Variants in ATXN10 observed in about 807,000 individuals in gnomAD.
ATXN10 encodes the protein ataxin-10.
In ATXN10, 28 loss-of-function variants were observed where a neutral mutation model predicts 52.9. The observed-to-expected ratio is 0.53, with a 90% CI of 0.39 to 0.73. The LOEUF is 0.73. ATXN10 is among the 30% of genes least tolerant of loss of function. The pLI is 0.00. For missense variants in ATXN10, 565 were observed against 577.0 expected (o/e 0.98, Z 0.21); for synonymous variants, 226 against 221.5 (o/e 1.02, Z -0.18).
At chr22:45,797,532 T>C (rs952929216) in intron 9 of ATXN10, among the ~76,000 whole-genome samples, 9 of 152,208 alleles carry the variant, frequency 5.9e-5, no homozygotes, top group African/African-American at 2.2e-4. Context: ...ATGGCATACC[T>C]AAATTGTAAG....
Position 45,772,641 on chromosome 22 carries a change from T to TG in ATXN10, c.1173+32109dup, listed in dbSNP as rs897324941. ...ATTGCGTTAAATATACAGCTCTCTT[T>TG]GGGGGGAATCAATGTCTTACTGTGT... On this transcript the variant is annotated intron_variant, in intron 9 of 11. Coordinates refer to ENST00000252934, the MANE Select transcript of ATXN10 (RefSeq NM_013236.4). This position sits in a 1 kb window ranked among gnomAD's most constrained non-coding sequence, Gnocchi z 4.1. Among the ~76,000 whole-genome samples, 7 of 152,190 alleles carry TG rather than the reference T, an allele frequency of 4.6e-5. No homozygotes were observed. The highest frequency in any genetic ancestry group is 1.0e-4 in the Non-Finnish European group (7 of 68,020).
chr22:45,710,392 C>A (rs1361894330), intron 5 of ATXN10, among the ~76,000 whole-genome samples: 1 of 152,192 alleles, frequency 6.6e-6, no homozygotes, highest in Non-Finnish European at 1.5e-5. Flanking sequence ...TCTATCATTT[C>A]GACTGAGAGA....
At chr22:45,809,587 C>A (rs1277316038) in intron 10 of ATXN10, among the ~76,000 whole-genome samples, 1 of 152,150 alleles carries the variant, frequency 6.6e-6, no homozygotes, top group Non-Finnish European at 1.5e-5. Flanking sequence ...CCACCTCCTC[C>A]CCTCCCTCCC....
chr22:45,698,960 G>T (rs1045366026), intron 3 of ATXN10, among the ~76,000 whole-genome samples: 5 of 152,178 alleles, frequency 3.3e-5, no homozygotes, highest in African/African-American at 7.2e-5. Flanking sequence ...AGCAGGGTAT[G>T]TGTGCCAGTT....
chr22:45,739,985 T>C (rs1009057275), intron 8 of ATXN10, among the ~76,000 whole-genome samples: 15 of 152,186 alleles, frequency 9.9e-5, no homozygotes, highest in Non-Finnish European at 1.6e-4. Context: ...TGGATAGATA[T>C]TGTGTTTTAG....
intron 5 of ATXN10, 143 bp downstream of exon 5, chr22:45,702,990 A>C: frequency 9.5e-7 from 1 of 1,047,598 alleles, no homozygotes; most frequent in African/African-American, 1.6e-5. Flanking sequence ...ATTAGAGAAG[A>C]TTTTGAGCAG....
intron 1 of ATXN10, among the ~76,000 whole-genome samples, chr22:45,687,037 G>T (rs1006139412): frequency 6.6e-6 from 1 of 152,130 alleles, no homozygotes; most frequent in Non-Finnish European, 1.5e-5. Context: ...GCGAATTATT[G>T]TGTGCCAAAT....
rs970702380 is a variant in ATXN10 at position 45,780,533 on chromosome 22, C to T, written c.1174-26426C>T. On this transcript the variant is annotated intron_variant, in intron 9 of 11. Transcript: ENST00000252934. The surrounding 1 kb of genome is among the most constrained non-coding windows in gnomAD (Gnocchi z 4.0). Reference sequence around the variant, plus strand: ...GCTGTGGAGTGGATGTGAACCTGTGCCAGCCTGTTTCCCCCTCTGTAGAAT... The same window carrying T: ...GCTGTGGAGTGGATGTGAACCTGTGTCAGCCTGTTTCCCCCTCTGTAGAAT... Among the ~76,000 whole-genome samples, 3 of 151,484 alleles carry T rather than the reference C, an allele frequency of 2.0e-5. No individual in the cohort carries two copies. Among genetic ancestry groups the T allele is most frequent in the African/African-American group, 7.3e-5 (3 of 41,368 alleles).
chr22:45,810,406 T>C (rs1468375922), intron 10 of ATXN10, among the ~76,000 whole-genome samples: 1 of 152,216 alleles, frequency 6.6e-6, no homozygotes, highest in Non-Finnish European at 1.5e-5. Context: ...TTTGTATTGT[T>C]GCATAAAAGT....
chr22:45,809,892 G>C (rs1278630664), intron 10 of ATXN10, among the ~76,000 whole-genome samples: 1 of 151,818 alleles, frequency 6.6e-6, no homozygotes. Context: ...TTTCTTTATA[G>C]TTTCTTTTGA....
Position 45,678,838 on chromosome 22 carries a change from T to G in ATXN10, c.116+6659T>G, listed in dbSNP as rs1922802229. 1 of 152,230 alleles carries G rather than the reference T, an allele frequency of 6.6e-6. No homozygotes were observed. Among genetic ancestry groups the G allele is most frequent in the African/African-American group, 2.4e-5 (1 of 41,454 alleles). 9.4% of individuals were successfully genotyped at this position (152,230 alleles called of 1,614,324 possible). Reference sequence around the variant, plus strand: ...GCAGCTGTGATTGATAGGATAAAATTAACTATGTGTAGCTTACTTTGAACT... The same window carrying G: ...GCAGCTGTGATTGATAGGATAAAATGAACTATGTGTAGCTTACTTTGAACT... On this transcript the variant is annotated intron_variant, in intron 1 of 11. Transcript: ENST00000252934. The surrounding 1 kb of genome is among the most constrained non-coding windows in gnomAD (Gnocchi z 4.1).
intron 3 of ATXN10, among the ~76,000 whole-genome samples, chr22:45,694,940 C>CAA (rs748780048): frequency 0.034 from 733 of 21,792 alleles, 75 homozygotes; most frequent in African/African-American, 0.086. Flanking sequence ...GACTCTGTCT[C>CAA]AAAAAAAAAA....
At chr22:45,685,642 C>A (rs1021190030) in intron 1 of ATXN10, among the ~76,000 whole-genome samples, 15 of 152,172 alleles carry the variant, frequency 9.9e-5, no homozygotes, top group African/African-American at 3.6e-4. Flanking sequence ...TATTCTGGAT[C>A]TGTAATGCCA....
At chr22:45,699,740 C>T (rs530617624) in intron 3 of ATXN10, among the ~76,000 whole-genome samples, 62 of 152,036 alleles carry the variant, frequency 4.1e-4, no homozygotes, top group African/African-American at 1.5e-3. Context: ...GATCCGCACC[C>T]CCCTCGTCTT....
intron 9 of ATXN10, among the ~76,000 whole-genome samples, chr22:45,778,823 A>G (rs141627226): frequency 2.1e-3 from 325 of 152,340 alleles, no homozygotes; most frequent in Non-Finnish European, 3.7e-3. Context: ...TATGAAATTA[A>G]TACTAGTTTC....
In ATXN10 at chr22:45,840,017, ATT is replaced by A. The variant is rs1404169462; in HGVS notation, c.1238-2973_1238-2972del. 6.6e-6 allele frequency among the ~76,000 whole-genome samples: 1 copy of A among 152,220 alleles called. No homozygotes were observed. The highest frequency in any genetic ancestry group is 1.5e-5 in the Non-Finnish European group (1 of 68,024). Reference sequence around the variant, plus strand: ...GACAGAGCACAGAGAAGTGAGTACTATTGGTCTTGTTGTGAGGAGTTCACAGT... The same window carrying A: ...GACAGAGCACAGAGAAGTGAGTACTAGGTCTTGTTGTGAGGAGTTCACAGT... On this transcript the variant is annotated intron_variant, in intron 10 of 11. Transcript: ENST00000252934. This position sits in a 1 kb window ranked among gnomAD's most constrained non-coding sequence, Gnocchi z 5.8.
chr22:45,696,391 C>T lies in ATXN10; in HGVS notation c.391+3313C>T, dbSNP rs1923606018. On this transcript the variant is annotated intron_variant, in intron 3 of 11. Coordinates refer to ENST00000252934, the MANE Select transcript of ATXN10 (RefSeq NM_013236.4). The surrounding 1 kb of genome is among the most constrained non-coding windows in gnomAD (Gnocchi z 4.7). ...CGGGCAGTGTGGCGCTCCAGAGCTG[C>T]TGTGCTGTGGTGGGCGGAAGGAGGT... Among the ~76,000 whole-genome samples the T allele has an allele frequency of 6.6e-6, 1 of 152,158 alleles. No individual in the cohort carries two copies. The highest frequency in any genetic ancestry group is 1.5e-5 in the Non-Finnish European group (1 of 68,028).
intron 9 of ATXN10, among the ~76,000 whole-genome samples, chr22:45,756,172 G>T (rs752943505): frequency 1.3e-5 from 2 of 152,024 alleles, no homozygotes; most frequent in African/African-American, 4.8e-5. Context: ...AAGAGACAAG[G>T]TTGTGCTTTC....
At chr22:45,758,662 C>G (rs887553052) in intron 9 of ATXN10, among the ~76,000 whole-genome samples, 12 of 152,234 alleles carry the variant, frequency 7.9e-5, no homozygotes, top group African/African-American at 2.9e-4. Context: ...AACACACTGG[C>G]CATGTGTTTG....
Sources: gnomAD v4.1 joint callset for allele counts (sites outside exome capture counted in the v4.1 genomes callset) on GRCh38, gnomAD v4.1.1 for gene constraint, Gnocchi (gnomAD v3.1) non-coding constraint, MANE v1.5 for transcripts, NCBI Gene and HGNC (gene_info 2026-07-23, HGNC 2026-07-21) for gene names.